DCDC2: variants seen among roughly 807,000 people sequenced by gnomAD.
DCDC2 encodes the protein doublecortin domain containing 2.
A neutral mutation model predicts 50.2 loss-of-function variants in DCDC2; 40 were observed. That is an observed-to-expected ratio of 0.80 (90% CI 0.62 to 1.04). The LOEUF is 1.04. Among genes scored for constraint, DCDC2 ranks in the 50% least tolerant of loss-of-function variants. DCDC2 has a pLI of 0.00. For missense variants in DCDC2, 570 were observed against 581.9 expected, an observed-to-expected ratio of 0.98 and a Z score of 0.21; for synonymous variants, 234 against 210.6, an observed-to-expected ratio of 1.11 and a Z score of -0.96.
chr6:24,312,507 G>C (rs1396907785), intron 2 of DCDC2, among the ~76,000 whole-genome samples: 1 of 152,112 alleles, frequency 6.6e-6, no homozygotes, highest in Non-Finnish European at 1.5e-5. Flanking sequence ...AAACTAGTTA[G>C]AGAATATGTC....
chr6:24,268,757 A>C (rs974718066), intron 7 of DCDC2, among the ~76,000 whole-genome samples: 8 of 152,084 alleles, frequency 5.3e-5, no homozygotes, highest in African/African-American at 7.2e-5. Flanking sequence ...TTTTTAGTAG[A>C]GACAGGGTTT....
Position 24,171,966 on chromosome 6 carries a change from G to A in DCDC2, c.*2764C>T, listed in dbSNP as rs370186102. ...CACATAAAAGCATCATAAGTTTTTCGTAGCACTCTCTCTAGAAAACAGTAC... is the reference window on the plus strand; with the variant it reads ...CACATAAAAGCATCATAAGTTTTTCATAGCACTCTCTCTAGAAAACAGTAC... On this transcript the variant is annotated 3_prime_UTR_variant, in exon 10 of 10. Coordinates refer to ENST00000378454, the MANE Select transcript of DCDC2 (RefSeq NM_016356.5). The A allele has an allele frequency of 9.9e-5, 15 of 152,060 alleles. No individual in the cohort carries two copies. The highest frequency in any genetic ancestry group is 2.6e-4 in the Admixed American group (4 of 15,262). The allele number at this position is 152,060 out of a possible 1,614,324, so 9.4% of individuals were successfully genotyped here.
intron 2 of DCDC2, among the ~76,000 whole-genome samples, chr6:24,344,363 T>C (rs1463337420): frequency 6.6e-6 from 1 of 152,232 alleles, no homozygotes; most frequent in Non-Finnish European, 1.5e-5. Context: ...TCCTATTTTT[T>C]TCTGAAAAGG....
the DCDC2 span, among the ~76,000 whole-genome samples, chr6:24,382,315 T>C: frequency 6.6e-6 from 1 of 152,138 alleles, no homozygotes; most frequent in Non-Finnish European, 1.5e-5. Flanking sequence ...CTAAGTTTTG[T>C]TTTTCTGTTT....
At chr6:24,176,326 CA>C (rs34673398) in intron 9 of DCDC2, among the ~76,000 whole-genome samples, 109,465 of 149,914 alleles carry the variant, frequency 0.73, 42,200 homozygotes, top group East Asian at 0.97. Context: ...GATGTTGTCT[CA>C]AAAAAAAAAA....
chr6:24,295,512 G>A (rs1186513318), intron 4 of DCDC2, among the ~76,000 whole-genome samples: 1 of 152,122 alleles, frequency 6.6e-6, no homozygotes, highest in East Asian at 1.9e-4. Context: ...ATCCAAATAG[G>A]AAAAGATGAA....
chr6:24,291,679 G>A (rs1726829085), intron 4 of DCDC2, among the ~76,000 whole-genome samples: 2 of 151,466 alleles, frequency 1.3e-5, no homozygotes, highest in African/African-American at 4.8e-5. Flanking sequence ...TAGAGACCGG[G>A]TTTCACCGTT....
intron 7 of DCDC2, among the ~76,000 whole-genome samples, chr6:24,232,270 T>C (rs1762352771): frequency 1.3e-5 from 2 of 152,194 alleles, no homozygotes; most frequent in African/African-American, 4.8e-5. Context: ...TATAGCATAA[T>C]AAATACTAGT....
intron 8 of DCDC2, among the ~76,000 whole-genome samples, chr6:24,199,606 C>T (rs1761535465): frequency 1.3e-5 from 2 of 152,092 alleles, no homozygotes. Flanking sequence ...GCCTTTTCTC[C>T]TCCAAAGGAT....
intron 2 of DCDC2, among the ~76,000 whole-genome samples, chr6:24,325,021 T>G (rs927916004): frequency 9.9e-5 from 15 of 152,084 alleles, no homozygotes; most frequent in Non-Finnish European, 2.9e-5. Context: ...TTAAATGCAA[T>G]GAAGAGTAAG....
At chr6:24,261,008 A>G (rs925317947) in intron 7 of DCDC2, among the ~76,000 whole-genome samples, 2 of 152,194 alleles carry the variant, frequency 1.3e-5, no homozygotes, top group African/African-American at 4.8e-5. Context: ...CTCCTAATAC[A>G]TTCTTTGTCT....
chr6:24,329,496 T>C (rs1759930111), intron 2 of DCDC2, among the ~76,000 whole-genome samples: 2 of 152,164 alleles, frequency 1.3e-5, no homozygotes, highest in African/African-American at 4.8e-5. Context: ...AAAATTATAA[T>C]GGTACGGTAA....
chr6:24,330,925 A>G (rs1455871686), intron 2 of DCDC2, among the ~76,000 whole-genome samples: 3 of 152,232 alleles, frequency 2.0e-5, no homozygotes, highest in Admixed American at 6.5e-5. Context: ...ATGAATTATA[A>G]CAACTGGGAT....
In DCDC2 at chr6:24,278,063, G is replaced by C. The variant is rs749974728; in HGVS notation, c.908C>G (p.Thr303Ser). 44 of 1,610,604 alleles carry C rather than the reference G, an allele frequency of 2.7e-5. No individual in the cohort carries two copies. Among genetic ancestry groups the C allele is most frequent in the Non-Finnish European group, 3.7e-5 (43 of 1,177,954 alleles). The change falls in exon 7 of 10, where the codon ACC (threonine) becomes AGC (serine). Residue 303 changes from threonine to serine, a missense_variant. By Grantham distance (58) the Thr-to-Ser change is moderately conservative (BLOSUM62 1). Coordinates refer to ENST00000378454, the MANE Select transcript of DCDC2 (RefSeq NM_016356.5). ...AACACACTTACCACTATTTGGAATGGTTTCTTGTGAATTCTTTAATTTTAC... is the reference window on the plus strand; with the variant it reads ...AACACACTTACCACTATTTGGAATGCTTTCTTGTGAATTCTTTAATTTTAC... ...QNVKLKNSQE[T>S]IPNSDEGIFK...
chr6:24,251,191 T>C (rs1314360466), intron 7 of DCDC2, among the ~76,000 whole-genome samples: 1 of 152,182 alleles, frequency 6.6e-6, no homozygotes, highest in East Asian at 1.9e-4. Context: ...CTCTCCTGTT[T>C]CCTAGCAAAT....
At chr6:24,229,583 A>C (rs9467087) in intron 7 of DCDC2, among the ~76,000 whole-genome samples, 27,295 of 152,048 alleles carry the variant, frequency 0.18, 3,269 homozygotes, top group African/African-American at 0.33. Flanking sequence ...AAAAAAATGC[A>C]AAAAATTTTC....
rs1192072351 is a variant in DCDC2 at position 24,234,680 on chromosome 6, T to C, written c.923-29578A>G. On this transcript the variant is annotated intron_variant, in intron 7 of 9. Coordinates refer to ENST00000378454, the MANE Select transcript of DCDC2 (RefSeq NM_016356.5). ...AAGGAAGGGGAACATTAAGATTGTG[T>C]CTAGATTTCAGGCATAAGTAGATAA... 5.9e-5 allele frequency among the ~76,000 whole-genome samples: 9 copies of C among 152,302 alleles called. No homozygotes were observed. In the East Asian group the frequency reaches 1.5e-3, roughly 26 times the overall value.
At chr6:24,201,120 T>G (rs2113758553) in intron 8 of DCDC2, among the ~76,000 whole-genome samples, 1 of 152,192 alleles carries the variant, frequency 6.6e-6, no homozygotes, top group South Asian at 2.1e-4. Flanking sequence ...AACAAGGATA[T>G]TCAGGACTTG....
At chr6:24,260,469 T>C (rs1379747343) in intron 7 of DCDC2, among the ~76,000 whole-genome samples, 1 of 152,242 alleles carries the variant, frequency 6.6e-6, no homozygotes, top group Non-Finnish European at 1.5e-5. Context: ...ATCATGCTTC[T>C]AAATTATAAC....
Sources: gnomAD v4.1 joint callset for allele counts (sites outside exome capture counted in the v4.1 genomes callset) on GRCh38, gnomAD v4.1.1 for gene constraint, MANE v1.5 for transcripts, NCBI Gene and HGNC (gene_info 2026-07-23, HGNC 2026-07-21) for gene names.